Variants in LSAMP observed in about 807,000 individuals in gnomAD.
LSAMP encodes the protein limbic system associated membrane protein.
A neutral mutation model predicts 38.6 loss-of-function variants in LSAMP; 7 were observed. The observed-to-expected ratio is 0.18, with a 90% CI of 0.10 to 0.34. The LOEUF is 0.34. LSAMP is among the 10% of genes least tolerant of loss of function. LSAMP has a pLI of 1.00. For synonymous variants in LSAMP, 154 were observed against 166.8 expected, an observed-to-expected ratio of 0.92 and a Z score of 0.59; for missense variants, 313 against 420.0, an observed-to-expected ratio of 0.75 and a Z score of 2.23.
chr3:116,386,196 G>T (rs1036736161), intron 1 of LSAMP, among the ~76,000 whole-genome samples: 3 of 152,106 alleles, frequency 2.0e-5, no homozygotes, highest in Non-Finnish European at 2.9e-5. Flanking sequence ...CAATGGTTAA[G>T]ATCACGGGAT....
chr3:116,108,962 G>C (rs1190257228), intron 1 of LSAMP, among the ~76,000 whole-genome samples: 1 of 152,152 alleles, frequency 6.6e-6, no homozygotes, highest in Non-Finnish European at 1.5e-5. Context: ...TGGGGTTTGA[G>C]GGCCAGATTC....
At chr3:116,216,210 C>CT (rs1418855183) in intron 1 of LSAMP, among the ~76,000 whole-genome samples, 1 of 152,032 alleles carries the variant, frequency 6.6e-6, no homozygotes, top group Non-Finnish European at 1.5e-5. Flanking sequence ...TTCTTTTAAC[C>CT]TTTTTATTTT....
intron 1 of LSAMP, among the ~76,000 whole-genome samples, chr3:116,386,732 C>T (rs534217007): frequency 1.3e-5 from 2 of 152,266 alleles, no homozygotes; most frequent in African/African-American, 2.4e-5. Context: ...CTTGGCTTCC[C>T]ACAATGCTGG....
rs114964105 is a variant in LSAMP, at chr3:116,034,262, C to T, written c.389-14622G>A. 2.1e-3 allele frequency among the ~76,000 whole-genome samples: 313 copies of T among 152,160 alleles called. 2 individuals carry two copies. The highest frequency in any genetic ancestry group is 6.8e-3 in the African/African-American group (281 of 41,524). ...CATGCAGCAGCAGTGAGTAGGATTC[C>T]TGTTTTTATCGGTTCCAAACAGCTC... On this transcript the variant is annotated intron_variant, in intron 2 of 6. Transcript: ENST00000490035.
chr3:116,324,930 A>T (rs1265009733), intron 1 of LSAMP, among the ~76,000 whole-genome samples: 2 of 151,956 alleles, frequency 1.3e-5, no homozygotes, highest in Non-Finnish European at 2.9e-5. Flanking sequence ...TATGACTTCT[A>T]TTGCCGTCCT....
chr3:116,248,729 G>A (rs894977612), intron 1 of LSAMP, among the ~76,000 whole-genome samples: 1 of 152,006 alleles, frequency 6.6e-6, no homozygotes, highest in Admixed American at 6.5e-5. Context: ...ACTCACTGAG[G>A]TTTCTTAAGC....
chr3:116,115,736 A>G lies in LSAMP; in HGVS notation c.156-29180T>C, dbSNP rs184909474. Among the ~76,000 whole-genome samples, 4 of 147,770 alleles carry G rather than the reference A, an allele frequency of 2.7e-5. No homozygotes were observed. The East Asian group carries it at 5.8e-4, about 21-fold the overall frequency. ...TAAATTAAAAAGCATTTTCCTATAG[A>G]ATTTTGAAGACATTTTCCCATTAAC... On this transcript the variant is annotated intron_variant, in intron 1 of 6. Coordinates refer to ENST00000490035, the MANE Select transcript of LSAMP (RefSeq NM_002338.5).
chr3:116,355,065 T>C (rs1317262871), intron 1 of LSAMP, among the ~76,000 whole-genome samples: 3 of 152,202 alleles, frequency 2.0e-5, no homozygotes, highest in African/African-American at 4.8e-5. Context: ...AGCTATTGAT[T>C]CTATAAAATA....
At chr3:115,874,371 C>G (rs1936128350) in intron 3 of LSAMP, among the ~76,000 whole-genome samples, 1 of 152,066 alleles carries the variant, frequency 6.6e-6, no homozygotes, top group Admixed American at 6.6e-5. Context: ...CTATTCTCAA[C>G]CCCTAGGTTT....
chr3:115,974,141 T>G (rs1365943273), intron 3 of LSAMP, among the ~76,000 whole-genome samples: 1 of 151,938 alleles, frequency 6.6e-6, no homozygotes, highest in African/African-American at 2.4e-5. Flanking sequence ...GGTCAAGAGC[T>G]CCAGACCAGC....
Position 116,264,352 on chromosome 3 carries a change from C to CTT in LSAMP, c.156-177798_156-177797dup, listed in dbSNP as rs1485175057. Among the ~76,000 whole-genome samples, 3 of 152,276 alleles carry CTT rather than the reference C, an allele frequency of 2.0e-5. No individual in the cohort carries two copies. The East Asian group carries it at 5.8e-4, about 29-fold the overall frequency. On this transcript the variant is annotated intron_variant, in intron 1 of 6. Transcript: ENST00000490035. ...TATCTGGAATTGCTTGACTGCCAAA[C>CTT]TTAGGCAAAGAAGTAGCCTTATGAT...
At chr3:115,833,395 T>G (rs970536161) in intron 6 of LSAMP, among the ~76,000 whole-genome samples, 1 of 150,690 alleles carries the variant, frequency 6.6e-6, no homozygotes, top group Non-Finnish European at 1.5e-5. Context: ...AACAGAGTTA[T>G]TCTAAGCTTT....
At chr3:116,410,305 G>C (rs1225633566) in intron 1 of LSAMP, among the ~76,000 whole-genome samples, 1 of 151,872 alleles carries the variant, frequency 6.6e-6, no homozygotes, top group Non-Finnish European at 1.5e-5. Flanking sequence ...AATGACAAGG[G>C]GAGCTCAGAA....
chr3:116,223,355 A>T (rs2046310282), intron 1 of LSAMP, among the ~76,000 whole-genome samples: 1 of 152,210 alleles, frequency 6.6e-6, no homozygotes, highest in African/African-American at 2.4e-5. Context: ...CTATACCAGG[A>T]ACTGTTTTAA....
chr3:116,223,767 C>G (rs2046314270), intron 1 of LSAMP, among the ~76,000 whole-genome samples: 1 of 152,130 alleles, frequency 6.6e-6, no homozygotes, highest in Non-Finnish European at 1.5e-5. Context: ...AAAGTGACAG[C>G]ATTTAACTAT....
rs141804033 is a variant in LSAMP, at chr3:115,821,349, G to T, written c.920-10935C>A. Among the ~76,000 whole-genome samples the T allele has an allele frequency of 6.5e-4, 99 of 152,328 alleles. 2 individuals are homozygous for T. The highest frequency in any genetic ancestry group is 2.2e-3 in the African/African-American group (91 of 41,572). ...GGGTACAACACATTCATAAGGAAAA[G>T]AATTGACGTTTAGTGCTTTCAGTCT... On this transcript the variant is annotated intron_variant, in intron 6 of 6. Transcript: ENST00000490035.
intron 2 of LSAMP, among the ~76,000 whole-genome samples, chr3:116,057,545 T>G (rs1306895305): frequency 2.0e-5 from 3 of 152,156 alleles, no homozygotes; most frequent in Non-Finnish European, 4.4e-5. Flanking sequence ...GTCAGATTAT[T>G]TCTTTCAACA....
At chr3:116,366,013 T>TAATAA (rs1553727853) in intron 1 of LSAMP, among the ~76,000 whole-genome samples, 1 of 28,686 alleles carries the variant, frequency 3.5e-5, no homozygotes, top group African/African-American at 1.3e-4. Context: ...TAGAGTATAA[T>TAATAA]AAAAAAAAAA....
chr3:115,859,853 C>T (rs1358071306), intron 3 of LSAMP, among the ~76,000 whole-genome samples: 1 of 152,154 alleles, frequency 6.6e-6, no homozygotes, highest in Non-Finnish European at 1.5e-5. Context: ...TTTTTCAGTC[C>T]TGGGCCATGA....
Sources: allele counts gnomAD v4.1 joint callset (sites outside exome capture counted in the v4.1 genomes callset), GRCh38; gene constraint gnomAD v4.1.1; transcripts MANE v1.5; gene names NCBI Gene and HGNC (gene_info 2026-07-23, HGNC 2026-07-21).